PJA1: variants seen among roughly 807,000 people sequenced by gnomAD.
PJA1 encodes praja ring finger ubiquitin ligase 1, also known as E3 ubiquitin-protein ligase Praja-1.
In PJA1, 5 loss-of-function variants were observed where a neutral mutation model predicts 14.1. The observed-to-expected ratio is 0.35, with a 90% CI of 0.18 to 0.74. PJA1 has a LOEUF of 0.74. Among genes scored for constraint, PJA1 ranks in the 30% least tolerant of loss-of-function variants. The pLI, the probability that PJA1 is intolerant of heterozygous loss-of-function variation, is 0.56. For synonymous variants in PJA1, 174 were observed against 190.9 expected (o/e 0.91, Z 0.73); for missense variants, 394 against 482.6 (o/e 0.82, Z 1.72).
At chrX:69,164,999 T>G (rs921508078) in intron 1 of PJA1, among the ~76,000 whole-genome samples, 5 of 110,031 alleles carry the variant, frequency 4.5e-5, no homozygotes, top group African/African-American at 1.7e-4. Flanking sequence ...GGCCACGGAG[T>G]GCTCCGCAAA....
In PJA1 at chrX:69,162,807, G is replaced by A; in HGVS notation, c.267C>T (p.Gly89=). 1 of 1,211,052 alleles carries A rather than the reference G, an allele frequency of 8.3e-7. No individual in the cohort carries two copies. The highest frequency in any genetic ancestry group is 1.1e-6 in the Non-Finnish European group (1 of 895,391). ...CATACAGCTTATCATCTTTAAACTT[G>A]CCAGTTTTCCCTCTCACTGGCGGTC... ...VERPPVRGKT[G]KFKDDKLYDP... The change falls in exon 2 of 2, where the codon GGC becomes GGT. Residue 89 remains glycine (G), a synonymous_variant. Transcript: ENST00000374571.
At position 69,163,029 on chromosome X, in the gene PJA1, C is replaced by T. The variant is rs767064621; in HGVS notation, c.45G>A (p.Ser15=). The change falls in exon 2 of 2, where the codon TCG becomes TCA. Residue 15 remains serine (S), a synonymous_variant. Coordinates refer to ENST00000374571, the MANE Select transcript of PJA1 (RefSeq NM_001032396.4). ...APSQTTKRSR[S]PFSTTRRSWD... is the part of the protein sequence containing the mutation. Reference sequence around the variant, plus strand: ...AACTACGACGAGTAGTGGAAAATGGCGATCGGCTCCTCTTGGTGGTTTGAC... The same window carrying T: ...AACTACGACGAGTAGTGGAAAATGGTGATCGGCTCCTCTTGGTGGTTTGAC... 5.0e-6 allele frequency: 6 copies of T among 1,208,797 alleles called. No homozygotes were observed. The highest frequency in any genetic ancestry group is 1.8e-5 in the South Asian group (1 of 56,563).
chrX:69,164,146 G>C (rs1268527169), intron 1 of PJA1, among the ~76,000 whole-genome samples: 2 of 109,941 alleles, frequency 1.8e-5, no homozygotes, highest in African/African-American at 3.3e-5. Context: ...GCGGGGGTGG[G>C]GGGTGCGCAG....
In PJA1 at chrX:69,161,154, G is replaced by C. The variant is rs1388503305; in HGVS notation, c.*153C>G. 1 of 860,805 alleles carries C rather than the reference G, an allele frequency of 1.2e-6. No homozygotes were observed. The highest frequency in any genetic ancestry group is 1.5e-6 in the Non-Finnish European group (1 of 649,776). 70.9% of individuals were successfully genotyped at this position (860,805 alleles called of 1,213,427 possible). Reference sequence around the variant, plus strand: ...ATTTTTAATGCAATCATACACAACTGTTTTCACATTGGAAATAATCACGAG... The same window carrying C: ...ATTTTTAATGCAATCATACACAACTCTTTTCACATTGGAAATAATCACGAG... On this transcript the variant is annotated 3_prime_UTR_variant, in exon 2 of 2. Transcript: ENST00000374571.
chrX:69,161,211 G>A lies in PJA1; in HGVS notation c.*96C>T. The stretch of plus-strand genomic sequence containing the variant: ...ATAGGTTTAGGCTAACTGACTGATT[G>A]GTTTTATTTCCATTGTTAATTTCAA... On this transcript the variant is annotated 3_prime_UTR_variant, in exon 2 of 2. Coordinates refer to ENST00000374571, the MANE Select transcript of PJA1 (RefSeq NM_001032396.4). 1 of 1,056,761 alleles carries A rather than the reference G, an allele frequency of 9.5e-7. No homozygotes were observed. The highest frequency in any genetic ancestry group is 1.9e-5 in the African/African-American group (1 of 52,848). The allele number at this position is 1,056,761 out of a possible 1,213,427, so 87.1% of individuals were successfully genotyped here. A position where few individuals can be genotyped will look rare whatever the true frequency, so the allele number is the denominator to read the frequency against.
At chrX:69,164,260 C>T (rs955482744) in intron 1 of PJA1, among the ~76,000 whole-genome samples, 1 of 108,261 alleles carries the variant, frequency 9.2e-6, no homozygotes, top group African/African-American at 3.4e-5. Flanking sequence ...GTTGTGTCCC[C>T]GTAGAAGGAT....
rs760145248 is a variant in PJA1, at chrX:69,161,379, C to A, written c.1695G>T (p.Pro565=). Residue 565 remains proline (P), a synonymous_variant, in exon 2 of 2, where the codon CCG becomes CCT. Transcript: ENST00000374571. ...ACTTCTGAAGCCAGATGGACACACA[C>A]GGCTTGTGGAAATAGTGGTGGCACG... ...ELPCHHYFHK[P]CVSIWLQKSG... is the part of the protein sequence containing the mutation. 3.3e-6 allele frequency: 4 copies of A among 1,206,004 alleles called. No individual in the cohort carries two copies. The highest frequency in any genetic ancestry group is 3.6e-5 in the South Asian group (2 of 55,809).
intron 1 of PJA1, 52 bp from the exon 2 acceptor site, chrX:69,163,192 C>T (rs377676387): frequency 1.7e-6 from 2 of 1,208,407 alleles, no homozygotes; most frequent in Non-Finnish European, 2.2e-6. Flanking sequence ...GGACTGATAC[C>T]CTCCTGTTGG....
chrX:69,162,602 G>A lies in PJA1; in HGVS notation c.472C>T (p.Leu158=). 8.3e-7 allele frequency: 1 copy of A among 1,211,397 alleles called. No individual in the cohort carries two copies. The highest frequency in any genetic ancestry group is 1.1e-6 in the Non-Finnish European group (1 of 895,469). Residue 158 remains leucine (L), a synonymous_variant, in exon 2 of 2, where the codon CTG becomes TTG. Transcript: ENST00000374571. ...TCCGAGCTGTCACCTTTTGTAGCCA[G>A]CTTGCCTTCAGAAGACGACTGTGAG... ...VASQSSSEGK[L]ATKGDSSERE... is the part of the protein sequence containing the mutation.
rs1384568566 is a variant in PJA1, at chrX:69,161,123, G to T, written c.*184C>A. ...TTCCCTTTTCTAACCTCTAAAAGAT[G>T]ATATGATTTTTAATGCAATCATACA... On this transcript the variant is annotated 3_prime_UTR_variant, in exon 2 of 2. Coordinates refer to ENST00000374571, the MANE Select transcript of PJA1 (RefSeq NM_001032396.4). 5 of 661,400 alleles carry T rather than the reference G, an allele frequency of 7.6e-6. No individual in the cohort carries two copies. The highest frequency in any genetic ancestry group is 1.0e-5 in the Non-Finnish European group (5 of 483,796). 54.5% of individuals were successfully genotyped at this position (661,400 alleles called of 1,213,427 possible).
chrX:69,163,692 T>C (rs1390971454), intron 1 of PJA1: 2 of 133,778 alleles, frequency 1.5e-5, no homozygotes, highest in Admixed American at 8.3e-5. Flanking sequence ...GAAATGCAAA[T>C]TGGAATAGAG....
chrX:69,162,412 T>A lies in PJA1; in HGVS notation c.662A>T (p.Asp221Val), dbSNP rs762373424. 6.6e-6 allele frequency: 8 copies of A among 1,208,919 alleles called. No homozygotes were observed. The highest frequency in any genetic ancestry group is 8.9e-6 in the Non-Finnish European group (8 of 895,056). ...TGGCATATCGTCATCATCATCAGTA[T>A]CAAAAAAAATTTTTGGTTTCACGCA... ...PNCVKPKIFF[D>V]TDDDDDMPHS... Residue 221 changes from aspartate to valine, a missense_variant, in exon 2 of 2, where the codon GAT (aspartate) becomes GTT (valine). By Grantham distance (152) the Asp-to-Val change is radical. Coordinates refer to ENST00000374571, the MANE Select transcript of PJA1 (RefSeq NM_001032396.4).
chrX:69,162,865 T>A lies in PJA1; in HGVS notation c.209A>T (p.Asp70Val), dbSNP rs1465130904. 1.7e-6 allele frequency: 2 copies of A among 1,211,581 alleles called. No individual in the cohort carries two copies. Among genetic ancestry groups the A allele is most frequent in the Non-Finnish European group, 2.2e-6 (2 of 895,559 alleles). The change falls in exon 2 of 2, where the codon GAT becomes GTT. Residue 70 changes from aspartate (D) to valine (V), a missense_variant. By Grantham distance (152) the Asp-to-Val change is radical. Around this residue, in one of 2 missense-constraint regions of PJA1, gnomAD observed 378 missense variants for 439.3 expected, o/e 0.86. Transcript: ENST00000374571. ...AGGCCCAGCCCCCTCCTCCTCACTA[T>A]CATCTGCCCCATAAGAGTCAATATG... Reference protein sequence around the residue: ...YGHIDSYGADDSEEEGAGPVE... With the variant: ...YGHIDSYGADVSEEEGAGPVE...
At position 69,162,375 on chromosome X, in the gene PJA1, G is replaced by A; in HGVS notation, c.699C>T (p.Ser233=). The change falls in exon 2 of 2, where the codon TCC becomes TCT. Residue 233 remains serine (S), a synonymous_variant. Coordinates refer to ENST00000374571, the MANE Select transcript of PJA1 (RefSeq NM_001032396.4). ...DDDDDMPHST[S]RWRDTANDNE... ...TGTCATTGGCGGTATCCCTCCACCT[G>A]GAAGTACTGTGTGGCATATCGTCAT... 2 of 1,211,072 alleles carry A rather than the reference G, an allele frequency of 1.7e-6. No individual in the cohort carries two copies. The highest frequency in any genetic ancestry group is 2.2e-6 in the Non-Finnish European group (2 of 895,411).
rs755648562 is a variant in PJA1, at chrX:69,162,121, G to A, written c.953C>T (p.Ala318Val). 8.3e-7 allele frequency: 1 copy of A among 1,211,656 alleles called. No homozygotes were observed. Among genetic ancestry groups the A allele is most frequent in the Non-Finnish European group, 1.1e-6 (1 of 895,529 alleles). Reference protein sequence around the residue: ...EDSDSDKEWIAALRRKYRSRE... With the variant: ...EDSDSDKEWIVALRRKYRSRE... ...GCTTCGATATTTCCGACGCAGAGCA[G>A]CAATCCACTCTTTGTCACTGTCAGA... is the stretch of plus-strand genomic sequence containing the variant. The change falls in exon 2 of 2, where the codon GCT (alanine) becomes GTT (valine). Residue 318 changes from alanine (A) to valine (V), a missense_variant. This residue lies in a region of PJA1 where 378 missense variants were observed against 439.3 expected (regional missense o/e 0.86). Coordinates refer to ENST00000374571, the MANE Select transcript of PJA1 (RefSeq NM_001032396.4).
chrX:69,164,592 T>C (rs1483005185), intron 1 of PJA1, among the ~76,000 whole-genome samples: 1 of 97,555 alleles, frequency 1.0e-5, no homozygotes, highest in Non-Finnish European at 2.1e-5. Context: ...CATGGGAGGG[T>C]GTGAGGGTGT....
At chrX:69,163,291 C>T (rs1490862542) in intron 1 of PJA1, 151 bp from the exon 2 acceptor site, 5 of 1,115,679 alleles carry the variant, frequency 4.5e-6, no homozygotes, top group Admixed American at 2.7e-5. Flanking sequence ...TAGGAGGGCT[C>T]CTGCTCCCTG....
At position 69,161,153 on chromosome X, in the gene PJA1, T is replaced by A; in HGVS notation, c.*154A>T. On this transcript the variant is annotated 3_prime_UTR_variant, in exon 2 of 2. Transcript: ENST00000374571. ...GATTTTTAATGCAATCATACACAAC[T>A]GTTTTCACATTGGAAATAATCACGA... 1 of 845,171 alleles carries A rather than the reference T, an allele frequency of 1.2e-6. No individual in the cohort carries two copies. The highest frequency in any genetic ancestry group is 1.6e-6 in the Non-Finnish European group (1 of 635,171). The allele number at this position is 845,171 out of a possible 1,213,427, so 69.7% of individuals were successfully genotyped here. A position where few individuals can be genotyped will look rare whatever the true frequency, so the allele number is the denominator to read the frequency against.
At position 69,162,422 on chromosome X, in the gene PJA1, T is replaced by A. The variant is rs753394347; in HGVS notation, c.652A>T (p.Ile218Phe). 7 of 1,208,652 alleles carry A rather than the reference T, an allele frequency of 5.8e-6. No homozygotes were observed. The African/African-American group carries it at 7.1e-5, about 12-fold the overall frequency. The change falls in exon 2 of 2, where the codon ATT (isoleucine) becomes TTT (phenylalanine). Residue 218 changes from isoleucine (I) to phenylalanine (F), a missense_variant. This residue lies in a region of PJA1 where 378 missense variants were observed against 439.3 expected (regional missense o/e 0.86). Transcript: ENST00000374571. ...TCATCATCATCAGTATCAAAAAAAATTTTTGGTTTCACGCAGTTTGGACTT... is the reference window on the plus strand; with the variant it reads ...TCATCATCATCAGTATCAAAAAAAAATTTTGGTTTCACGCAGTTTGGACTT... ...LASPNCVKPK[I>F]FFDTDDDDDM...
Sources: allele counts gnomAD v4.1 joint callset (sites outside exome capture counted in the v4.1 genomes callset), GRCh38; gene constraint gnomAD v4.1.1; regional missense constraint gnomAD v4.1.1; transcripts MANE v1.5; gene names NCBI Gene and HGNC (gene_info 2026-07-23, HGNC 2026-07-21).